The following UBE2W variants were observed in gnomAD, a reference collection of about 807,000 sequenced individuals.
UBE2W encodes ubiquitin-conjugating enzyme E2 W.
UBE2W carries 18 observed loss-of-function variants against 27.2 expected under a neutral mutation model. The observed-to-expected ratio is 0.66, with a 90% CI of 0.46 to 0.98. The LOEUF (loss-of-function observed/expected upper bound fraction) is 0.98, where lower values mean the gene tolerates loss of function less well. Ranked by LOEUF, UBE2W falls within the 50% of genes least tolerant of loss-of-function variation. The probability of loss-of-function intolerance (pLI) is 0.00; values close to 1 mark genes in which losing one functional copy is unlikely to be tolerated. For missense variants in UBE2W, 90 were observed against 180.2 expected (o/e 0.50, Z 2.87); for synonymous variants, 53 against 57.2 (o/e 0.93, Z 0.33).
intron 1 of UBE2W, among the ~76,000 whole-genome samples, chr8:73,832,162 G>A (rs991772336): frequency 1.4e-5 from 2 of 142,344 alleles, no homozygotes; most frequent in African/African-American, 6.1e-5. Flanking sequence ...TTAGCCAGGT[G>A]TAGGGGCATG....
chr8:73,817,866 G>T (rs1809457789), intron 3 of UBE2W, among the ~76,000 whole-genome samples: 1 of 152,130 alleles, frequency 6.6e-6, no homozygotes, highest in African/African-American at 2.4e-5. Context: ...ACCTATGATA[G>T]AAACGTCAAA....
intron 1 of UBE2W, among the ~76,000 whole-genome samples, chr8:73,866,132 G>A (rs1263571609): frequency 6.6e-6 from 1 of 151,668 alleles, no homozygotes; most frequent in Non-Finnish European, 1.5e-5. Context: ...TTAGCCGGGT[G>A]TGGCAGCGCG....
Position 73,857,939 on chromosome 8 carries a change from A to G in UBE2W, c.15+20869T>C, listed in dbSNP as rs550928124. On this transcript the variant is annotated intron_variant, in intron 1 of 5. Coordinates refer to ENST00000602593, the MANE Select transcript of UBE2W (RefSeq NM_018299.6). ...ATTCTGAGATTTTCAGAATACCTTT[A>G]AGCGGCTGGGCATGGTGGCTCACGT... 5.3e-5 allele frequency among the ~76,000 whole-genome samples: 8 copies of G among 152,156 alleles called. 1 individual carries two copies. The highest frequency in any genetic ancestry group is 1.2e-4 in the Non-Finnish European group (8 of 68,036).
chr8:73,876,062 A>T (rs927450220), intron 1 of UBE2W, among the ~76,000 whole-genome samples: 1 of 152,100 alleles, frequency 6.6e-6, no homozygotes, highest in Non-Finnish European at 1.5e-5. Context: ...AACACAAAAA[A>T]CAAGAACAAA....
intron 1 of UBE2W, among the ~76,000 whole-genome samples, chr8:73,867,979 A>G (rs1811849771): frequency 6.6e-6 from 1 of 152,218 alleles, no homozygotes; most frequent in Admixed American, 6.5e-5. Flanking sequence ...AAGTTTGGCA[A>G]TTCCTTAGTG....
intron 1 of UBE2W, among the ~76,000 whole-genome samples, chr8:73,867,608 G>A (rs1052133473): frequency 3.3e-5 from 5 of 151,910 alleles, no homozygotes; most frequent in African/African-American, 1.2e-4. Flanking sequence ...CTACTCAGGA[G>A]GCTGAGGCAG....
At chr8:73,866,293 ATAT>A (rs1811768851) in intron 1 of UBE2W, among the ~76,000 whole-genome samples, 1 of 61,518 alleles carries the variant, frequency 1.6e-5, no homozygotes, top group Non-Finnish European at 3.1e-5. Context: ...AAAAAAAAAT[ATAT>A]ATATATATAT....
chr8:73,815,758 T>C (rs933636887), intron 3 of UBE2W, among the ~76,000 whole-genome samples: 3 of 152,250 alleles, frequency 2.0e-5, no homozygotes, highest in South Asian at 2.1e-4. Flanking sequence ...ACAGTGTATA[T>C]AAACGAGCAG....
At chr8:73,870,421 A>T (rs757775239) in intron 1 of UBE2W, 2 of 904,878 alleles carry the variant, frequency 2.2e-6, no homozygotes, top group Non-Finnish European at 3.3e-6. Flanking sequence ...AGCATCTAGT[A>T]GAGCTAGCTT....
chr8:73,841,788 TC>T (rs1321102222), intron 1 of UBE2W, among the ~76,000 whole-genome samples: 12 of 152,108 alleles, frequency 7.9e-5, no homozygotes, highest in African/African-American at 2.7e-4. Context: ...TTCAAACAAA[TC>T]CAATAGCAAA....
At chr8:73,833,343 G>A (rs1046593883) in intron 1 of UBE2W, among the ~76,000 whole-genome samples, 1 of 151,090 alleles carries the variant, frequency 6.6e-6, no homozygotes, top group Non-Finnish European at 1.5e-5. Context: ...TAAGAAAAAA[G>A]AAAAGAAAAT....
chr8:73,830,545 G>GTGAGC, intron 1 of UBE2W, 73 bp from the exon 2 acceptor site: 1 of 1,170,794 alleles, frequency 8.5e-7, no homozygotes, highest in Non-Finnish European at 1.3e-6. Flanking sequence ...GAGTACAGTG[G>GTGAGC]TGTGATCACA....
At chr8:73,873,850 A>G (rs1812108244) in intron 1 of UBE2W, among the ~76,000 whole-genome samples, 1 of 152,180 alleles carries the variant, frequency 6.6e-6, no homozygotes, top group African/African-American at 2.4e-5. Flanking sequence ...CACAAGGGTA[A>G]TTCAACTGAC....
At chr8:73,856,297 C>T (rs1183417109) in intron 1 of UBE2W, among the ~76,000 whole-genome samples, 2 of 152,046 alleles carry the variant, frequency 1.3e-5, no homozygotes, top group Non-Finnish European at 2.9e-5. Flanking sequence ...CAACTCCCCC[C>T]TCCCCACTTT....
Position 73,795,837 on chromosome 8 carries a change from T to C in UBE2W, c.443-1722A>G, listed in dbSNP as rs549639152. Reference sequence around the variant, plus strand: ...TGGCTCACGCCTGTAATTCCAGCATTTGGGGAGGCTGAGGTGGATGGACTG... The same window carrying C: ...TGGCTCACGCCTGTAATTCCAGCATCTGGGGAGGCTGAGGTGGATGGACTG... On this transcript the variant is annotated intron_variant, in intron 5 of 5. Transcript: ENST00000602593. 2.9e-4 allele frequency: 274 copies of C among 956,206 alleles called. No individual in the cohort carries two copies. The African/African-American group carries it at 4.1e-3, about 14-fold the overall frequency. The allele number at this position is 956,206 out of a possible 1,614,324, so 59.2% of individuals were successfully genotyped here. A position where few individuals can be genotyped will look rare whatever the true frequency, so the allele number is the denominator to read the frequency against.
Position 73,788,378 on chromosome 8 carries a change from G to T in UBE2W, c.*5724C>A, listed in dbSNP as rs2130832204. 1.0e-6 allele frequency: 1 copy of T among 985,354 alleles called. No homozygotes were observed. Among genetic ancestry groups the T allele is most frequent in the East Asian group, 1.1e-4 (1 of 8,814 alleles). 61.0% of individuals were successfully genotyped at this position (985,354 alleles called of 1,614,324 possible). A position where few individuals can be genotyped will look rare whatever the true frequency, so the allele number is the denominator to read the frequency against. On this transcript the variant is annotated 3_prime_UTR_variant, in exon 6 of 6. Transcript: ENST00000602593. ...TTCCTATTAATAAAATGCACACTCT[G>T]TAGTTCTGAATAATAAAAGGAAAAT...
At chr8:73,839,033 T>C (rs1019532973) in intron 1 of UBE2W, among the ~76,000 whole-genome samples, 1 of 152,070 alleles carries the variant, frequency 6.6e-6, no homozygotes, top group Non-Finnish European at 1.5e-5. Flanking sequence ...CCCTGTGGAG[T>C]GTACTTTCAT....
intron 1 of UBE2W, among the ~76,000 whole-genome samples, chr8:73,848,093 C>A (rs1041269661): frequency 6.6e-6 from 1 of 151,578 alleles, no homozygotes; most frequent in African/African-American, 2.4e-5. Flanking sequence ...CCCAGATACT[C>A]GGGAGGCTGA....
intron 1 of UBE2W, among the ~76,000 whole-genome samples, chr8:73,840,114 T>C (rs1225107968): frequency 6.6e-6 from 1 of 151,918 alleles, no homozygotes; most frequent in Non-Finnish European, 1.5e-5. Flanking sequence ...TGGAGTGCAG[T>C]GGTGCGATCT....
Sources: allele counts gnomAD v4.1 joint callset (sites outside exome capture counted in the v4.1 genomes callset), GRCh38; gene constraint gnomAD v4.1.1; transcripts MANE v1.5; gene names NCBI Gene and HGNC (gene_info 2026-07-23, HGNC 2026-07-21).